The following MYLK4 variants were observed in gnomAD, a reference collection of about 807,000 sequenced individuals.
MYLK4 encodes the protein myosin light chain kinase family member 4.
A neutral mutation model predicts 48.1 loss-of-function variants in MYLK4; 46 were observed. The ratio of observed to expected loss-of-function variants is 0.96; its 90% CI spans 0.75 to 1.22. The LOEUF (loss-of-function observed/expected upper bound fraction) is 1.22. Among genes scored for constraint, MYLK4 ranks in the 50% most tolerant of loss-of-function variants. The pLI is 0.00. For missense variants in MYLK4, 451 were observed against 486.1 expected (o/e 0.93, Z 0.68); for synonymous variants, 170 against 180.8 (o/e 0.94, Z 0.48).
chr6:2,670,241 C>T (rs985316404), intron 12 of MYLK4, among the ~76,000 whole-genome samples: 3 of 152,172 alleles, frequency 2.0e-5, no homozygotes, highest in Admixed American at 6.5e-5. Context: ...TGGCAGGTGC[C>T]TGTAATCCCA....
At chr6:2,718,396 C>T (rs1762947673) in intron 2 of MYLK4, among the ~76,000 whole-genome samples, 1 of 152,162 alleles carries the variant, frequency 6.6e-6, no homozygotes, top group African/African-American at 2.4e-5. Context: ...GGATAATGTG[C>T]TCTCCAAAAA....
At chr6:2,765,603 C>T in the MYLK4 span, 12 of 1,494,550 alleles carry the variant, frequency 8.0e-6, no homozygotes, top group African/African-American at 7.3e-5. Context: ...CGCCGGGCGC[C>T]GGGGAGGGCG....
intron 2 of MYLK4, among the ~76,000 whole-genome samples, chr6:2,723,826 T>G (rs1582097450): frequency 6.6e-6 from 1 of 152,232 alleles, no homozygotes; most frequent in African/African-American, 2.4e-5. Flanking sequence ...TTTTGTCAGT[T>G]TCTAATGCCC....
chr6:2,749,052 T>C (rs919085308), intron 2 of MYLK4, 84 bp downstream of exon 2: 12 of 1,293,916 alleles, frequency 9.3e-6, no homozygotes, highest in Middle Eastern at 2.0e-4. Flanking sequence ...CTTTCCTTAA[T>C]TGTACTCACA....
At chr6:2,744,673 T>C (rs1240681703) in intron 2 of MYLK4, among the ~76,000 whole-genome samples, 2 of 152,186 alleles carry the variant, frequency 1.3e-5, no homozygotes, top group East Asian at 3.9e-4. Flanking sequence ...TATTTTGCTT[T>C]GCTTGGTCTT....
intron 2 of MYLK4, among the ~76,000 whole-genome samples, chr6:2,711,754 G>T (rs1231643672): frequency 1.3e-5 from 2 of 151,974 alleles, no homozygotes; most frequent in East Asian, 3.9e-4. Flanking sequence ...CATTATCCAT[G>T]AACTGAAAAC....
intron 2 of MYLK4, among the ~76,000 whole-genome samples, chr6:2,727,373 G>A (rs1012111531): frequency 4.6e-5 from 7 of 152,294 alleles, no homozygotes; most frequent in South Asian, 4.1e-4. Flanking sequence ...GGAATGCCAC[G>A]GAAAGAGCTG....
intron 2 of MYLK4, among the ~76,000 whole-genome samples, chr6:2,730,152 T>A (rs1464478781): frequency 6.6e-6 from 1 of 152,158 alleles, no homozygotes; most frequent in East Asian, 1.9e-4. Context: ...AGCTGCCCTT[T>A]GGGGAGGTGA....
At chr6:2,761,571 A>G in the MYLK4 span, among the ~76,000 whole-genome samples, 1 of 152,210 alleles carries the variant, frequency 6.6e-6, no homozygotes, top group Non-Finnish European at 1.5e-5. Context: ...ACTTTACTAA[A>G]TACTTTCACA....
chr6:2,730,841 G>A (rs1461292607), intron 2 of MYLK4, among the ~76,000 whole-genome samples: 5 of 152,134 alleles, frequency 3.3e-5, no homozygotes, highest in South Asian at 2.1e-4. Context: ...GGTTGAAAGC[G>A]GGAGGTGTCA....
intron 2 of MYLK4, among the ~76,000 whole-genome samples, chr6:2,710,443 A>G (rs1403379066): frequency 6.6e-6 from 1 of 152,232 alleles, no homozygotes; most frequent in African/African-American, 2.4e-5. Context: ...TCTCCCAGAC[A>G]GTATCAAAGA....
In MYLK4 at chr6:2,725,593, A is replaced by AAGAAAGAAAGAAAAAGAAAG. The variant is rs1561868230; in HGVS notation, c.159+23542_159+23543insCTTTCTTTTTCTTTCTTTCT. ...AAAGAAAGAAAAAGAAAGAGAAAGAAAGAAAGAAAGAAACAAACAAACAAA... is the reference window on the plus strand; with the variant it reads ...AAAGAAAGAAAAAGAAAGAGAAAGAAAGAAAGAAAGAAAAAGAAAGAGAAAGAAAGAAACAAACAAACAAA... On this transcript the variant is annotated intron_variant, in intron 2 of 12. Coordinates refer to ENST00000274643, the MANE Select transcript of MYLK4 (RefSeq NM_001012418.5). Among the ~76,000 whole-genome samples the AAGAAAGAAAGAAAAAGAAAG allele has an allele frequency of 3.4e-3, 490 of 143,522 alleles. 4 individuals are homozygous for AAGAAAGAAAGAAAAAGAAAG. Among genetic ancestry groups the AAGAAAGAAAGAAAAAGAAAG allele is most frequent in the African/African-American group, 0.013 (466 of 36,576 alleles). The allele number at this position is 143,522 out of a possible 152,430, so 94.2% of individuals were successfully genotyped here.
intron 7 of MYLK4, among the ~76,000 whole-genome samples, chr6:2,681,203 A>G (rs1226023168): frequency 2.6e-5 from 4 of 152,226 alleles, no homozygotes; most frequent in Non-Finnish European, 5.9e-5. Flanking sequence ...CCCGTTCCTC[A>G]GCCTTTAGTG....
At chr6:2,766,848 CATA>C in the MYLK4 span, among the ~76,000 whole-genome samples, 5 of 149,262 alleles carry the variant, frequency 3.3e-5, no homozygotes, top group East Asian at 8.0e-4. Flanking sequence ...TCCGTTTGTA[CATA>C]ATAACGGATT....
the MYLK4 span, chr6:2,768,840 C>T: frequency 1.9e-6 from 3 of 1,613,236 alleles, no homozygotes; most frequent in African/African-American, 4.0e-5. Context: ...GGAAAACCAT[C>T]CTTTTTATTG....
At chr6:2,734,606 T>C (rs1346128159) in intron 2 of MYLK4, among the ~76,000 whole-genome samples, 1 of 152,172 alleles carries the variant, frequency 6.6e-6, no homozygotes, top group East Asian at 1.9e-4. Flanking sequence ...AGACTATATA[T>C]ATATATAATA....
At chr6:2,699,902 A>G (rs1016065926) in intron 2 of MYLK4, among the ~76,000 whole-genome samples, 1 of 152,100 alleles carries the variant, frequency 6.6e-6, no homozygotes, top group African/African-American at 2.4e-5. Context: ...AAATTATTAC[A>G]AATATTCTCT....
At chr6:2,689,823 G>A (rs1761705239) in intron 3 of MYLK4, among the ~76,000 whole-genome samples, 1 of 152,190 alleles carries the variant, frequency 6.6e-6, no homozygotes, top group Non-Finnish European at 1.5e-5. Flanking sequence ...TTTGACATAT[G>A]TTTCTTGAGC....
At chr6:2,678,049 C>T (rs1472439450) in intron 10 of MYLK4, among the ~76,000 whole-genome samples, 171 bp downstream of exon 10, 3 of 152,218 alleles carry the variant, frequency 2.0e-5, no homozygotes, top group Non-Finnish European at 4.4e-5. Flanking sequence ...ATGACCAAAG[C>T]AGTCCCAGAT....
Sources: gnomAD v4.1 joint callset for allele counts (sites outside exome capture counted in the v4.1 genomes callset) on GRCh38, gnomAD v4.1.1 for gene constraint, MANE v1.5 for transcripts, NCBI Gene and HGNC (gene_info 2026-07-23, HGNC 2026-07-21) for gene names.